PMM2: variants seen among roughly 807,000 people sequenced by gnomAD.
PMM2 encodes the protein mannose-6-phosphate isomerase.
Under a neutral mutation model 33.2 loss-of-function variants are expected in PMM2, and 35 were observed. The observed-to-expected ratio is 1.06, with a 90% CI of 0.81 to 1.40. The LOEUF is 1.40. Among genes scored for constraint, PMM2 ranks in the 40% most tolerant of loss-of-function variants. The pLI is 0.00. For missense variants in PMM2, 386 were observed against 306.0 expected (o/e 1.26, Z -1.95); for synonymous variants, 153 against 114.7 (o/e 1.33, Z -2.13).
chr16:8,804,031 GT>G (rs752484926), intron 2 of PMM2, among the ~76,000 whole-genome samples: 16 of 87,492 alleles, frequency 1.8e-4, no homozygotes, highest in African/African-American at 5.5e-4. Flanking sequence ...GGTTTTTTTT[GT>G]TTTTTTTTTT....
At chr16:8,832,030 T>A (rs2060812741) in intron 7 of PMM2, 1 of 557,956 alleles carries the variant, frequency 1.8e-6, no homozygotes, top group African/African-American at 2.0e-5. Flanking sequence ...AAATCCAGCA[T>A]TTGAAATTTC....
At chr16:8,837,022 G>A (rs181341154) in intron 7 of PMM2, among the ~76,000 whole-genome samples, 32 of 151,948 alleles carry the variant, frequency 2.1e-4, no homozygotes, top group Admixed American at 1.4e-3. Flanking sequence ...GTGGAGGAGC[G>A]GAGGCTGAGG....
intron 7 of PMM2, among the ~76,000 whole-genome samples, chr16:8,816,667 G>A (rs2060710329): frequency 6.6e-6 from 1 of 152,100 alleles, no homozygotes; most frequent in African/African-American, 2.4e-5. Flanking sequence ...CTTGAACCCG[G>A]GAGGTGGAGG....
At chr16:8,847,056 GT>G (rs1332418297) in intron 7 of PMM2, among the ~76,000 whole-genome samples, 1 of 152,094 alleles carries the variant, frequency 6.6e-6, no homozygotes, top group Non-Finnish European at 1.5e-5. Context: ...TAGAAATGGA[GT>G]TTTGCTGTGT....
intron 3 of PMM2, among the ~76,000 whole-genome samples, chr16:8,805,137 AACCTCCGCCT>A (rs1188609433): frequency 3.3e-5 from 5 of 152,114 alleles, no homozygotes; most frequent in African/African-American, 1.2e-4. Context: ...AGCTCACTAC[AACCTCCGCCT>A]ACCTCCGCCT....
Position 8,813,076 on chromosome 16 carries a change from C to T in PMM2, c.609C>T (p.Thr203=). The change falls in exon 7 of 8, where the codon ACC becomes ACT. Residue 203 remains threonine, a synonymous_variant. Coordinates refer to ENST00000268261, the MANE Select transcript of PMM2 (RefSeq NM_000303.3). The stretch of plus-strand genomic sequence containing the variant: ...ATGTGGAAAATGACGGTTATAAGAC[C>T]ATTTATTTCTTTGGAGACAAAACTA... ...LRHVENDGYK[T]IYFFGDKTMP... 6.2e-7 allele frequency: 1 copy of T among 1,609,850 alleles called. No homozygotes were observed. The highest frequency in any genetic ancestry group is 8.5e-7 in the Non-Finnish European group (1 of 1,176,044).
At chr16:8,840,109 A>G (rs571780906) in intron 7 of PMM2, among the ~76,000 whole-genome samples, 1 of 151,852 alleles carries the variant, frequency 6.6e-6, no homozygotes, top group African/African-American at 2.4e-5. Context: ...GGGAAATGCA[A>G]AGCCAGCAGT....
chr16:8,802,267 T>G, intron 2 of PMM2: 1 of 452,798 alleles, frequency 2.2e-6, no homozygotes, highest in Non-Finnish European at 4.4e-6. Flanking sequence ...ACAGCCCCCC[T>G]CACCTCCCCA....
intron 7 of PMM2, chr16:8,832,268 G>A (rs2060814707): frequency 4.1e-6 from 4 of 985,336 alleles, no homozygotes; most frequent in South Asian, 4.7e-5. Context: ...TGATGCAGAT[G>A]CTCCTGCGAG....
In PMM2 at chr16:8,847,377, TAAA is replaced by T. The variant is rs34609525; in HGVS notation, c.640-333_640-331del. 2.1e-5 allele frequency among the ~76,000 whole-genome samples: 3 copies of T among 140,812 alleles called. 1 individual carries two copies. The South Asian group carries it at 6.9e-4, about 32-fold the overall frequency. The allele number at this position is 140,812 out of a possible 152,430, so 92.4% of individuals were successfully genotyped here. On this transcript the variant is annotated intron_variant, in intron 7 of 7. Transcript: ENST00000268261. ...CTTGTTAGAAAAGCGTAGGTACAGCTAAAAAAAAAAAAAAAACTGATGGCTGTG... is the reference window on the plus strand; with the variant it reads ...CTTGTTAGAAAAGCGTAGGTACAGCTAAAAAAAAAAAAACTGATGGCTGTG...
chr16:8,817,617 A>G (rs1245939160), intron 7 of PMM2, among the ~76,000 whole-genome samples: 1 of 152,236 alleles, frequency 6.6e-6, no homozygotes, highest in African/African-American at 2.4e-5. Context: ...TAACCATTGC[A>G]TTACCATGCC....
chr16:8,841,422 T>A lies in PMM2; in HGVS notation c.640-6302T>A, dbSNP rs575905782. ...TATTTTAGTTATCTGACTCGGGGCA[T>A]GTTGAGTGAAGCTAATTTGCCAGTC... On this transcript the variant is annotated intron_variant, in intron 7 of 7. Coordinates refer to ENST00000268261, the MANE Select transcript of PMM2 (RefSeq NM_000303.3). 4.0e-5 allele frequency among the ~76,000 whole-genome samples: 6 copies of A among 148,418 alleles called. No individual in the cohort carries two copies. In the East Asian group the frequency reaches 1.2e-3, roughly 30 times the overall value.
At chr16:8,830,208 C>A (rs1481734456) in intron 7 of PMM2, among the ~76,000 whole-genome samples, 1 of 152,210 alleles carries the variant, frequency 6.6e-6, no homozygotes, top group Non-Finnish European at 1.5e-5. Context: ...GATCCATCAC[C>A]AGTGAGGGGG....
At chr16:8,829,958 C>T (rs371446615) in intron 7 of PMM2, among the ~76,000 whole-genome samples, 12 of 152,282 alleles carry the variant, frequency 7.9e-5, no homozygotes, top group East Asian at 5.8e-4. Context: ...GCTGGGGCTA[C>T]AAACAGATAC....
At chr16:8,832,919 C>G (rs937012131) in intron 7 of PMM2, 147 of 985,316 alleles carry the variant, frequency 1.5e-4, no homozygotes, top group East Asian at 2.3e-4. Flanking sequence ...CCTTCCCTCC[C>G]TTTGCTCAAC....
chr16:8,831,912 T>G (rs540950220), intron 7 of PMM2, among the ~76,000 whole-genome samples: 2 of 152,322 alleles, frequency 1.3e-5, no homozygotes, highest in African/African-American at 4.8e-5. Context: ...TCGTTCATTC[T>G]TCCCTCCCCC....
chr16:8,819,193 C>T (rs553892750), intron 7 of PMM2, among the ~76,000 whole-genome samples: 39 of 152,342 alleles, frequency 2.6e-4, no homozygotes, highest in African/African-American at 9.1e-4. Flanking sequence ...CCCGCTGCTC[C>T]TCAGGAGGCT....
intron 7 of PMM2, among the ~76,000 whole-genome samples, chr16:8,845,948 A>G (rs964303691): frequency 3.9e-5 from 6 of 152,184 alleles, no homozygotes; most frequent in African/African-American, 1.4e-4. Context: ...GAAGGAAAAA[A>G]AAGGCAAAAT....
rs781610241 is a variant in PMM2 at position 8,811,157 on chromosome 16, T to G, written c.426T>G (p.Ile142Met). Reference sequence around the variant, plus strand: ...GAAGCTGCAGCCAAGAAGAACGCATTGAGTTCTACGAACTCGATAAAGTAC... The same window carrying G: ...GAAGCTGCAGCCAAGAAGAACGCATGGAGTTCTACGAACTCGATAAAGTAC... The part of the protein sequence containing the change: ...IGRSCSQEER[I>M]EFYELDKKEN... Residue 142 changes from isoleucine (I) to methionine (M), a missense_variant, in exon 5 of 8, where the codon ATT becomes ATG. Coordinates refer to ENST00000268261, the MANE Select transcript of PMM2 (RefSeq NM_000303.3). 48 of 1,569,972 alleles carry G rather than the reference T, an allele frequency of 3.1e-5. No homozygotes were observed. The highest frequency in any genetic ancestry group is 4.0e-5 in the Non-Finnish European group (46 of 1,152,762).
Sources: allele counts gnomAD v4.1 joint callset (sites outside exome capture counted in the v4.1 genomes callset), GRCh38; gene constraint gnomAD v4.1.1; transcripts MANE v1.5; gene names NCBI Gene and HGNC (gene_info 2026-07-23, HGNC 2026-07-21).